The following GRM8 variants were observed in gnomAD, a reference collection of about 807,000 sequenced individuals.
The protein encoded by GRM8 is glutamate metabotropic receptor 8.
In GRM8, 47 loss-of-function variants were observed where a neutral mutation model predicts 87.2. The ratio of observed to expected loss-of-function variants is 0.54; its 90% CI spans 0.43 to 0.69. The LOEUF is 0.69. Among genes scored for constraint, GRM8 ranks in the 30% least tolerant of loss-of-function variants. GRM8 has a pLI of 0.00. For missense variants in GRM8, 1,019 were observed against 1,139.2 expected (o/e 0.89, Z 1.52); for synonymous variants, 396 against 404.5 (o/e 0.98, Z 0.25).
intron 2 of GRM8, 108 bp downstream of exon 2, chr7:127,242,587 G>T: frequency 9.7e-7 from 1 of 1,031,276 alleles, no homozygotes. Context: ...ACACCAAAAG[G>T]GTCTATGAGC....
chr7:126,723,670 G>T (rs1004310903), intron 7 of GRM8, among the ~76,000 whole-genome samples: 1 of 152,104 alleles, frequency 6.6e-6, no homozygotes, highest in Non-Finnish European at 1.5e-5. Flanking sequence ...CATAGGTGTG[G>T]GCAAATGAAA....
chr7:126,756,081 C>T (rs1816977071), intron 7 of GRM8, among the ~76,000 whole-genome samples: 1 of 151,724 alleles, frequency 6.6e-6, no homozygotes, highest in South Asian at 2.1e-4. Flanking sequence ...CTACAAAGAA[C>T]ACTTGACTTC....
intron 8 of GRM8, among the ~76,000 whole-genome samples, chr7:126,594,639 T>A (rs998632672): frequency 6.6e-6 from 1 of 152,090 alleles, no homozygotes; most frequent in Non-Finnish European, 1.5e-5. Flanking sequence ...AGGAGGAATA[T>A]GTTCAAGAGA....
chr7:127,006,761 G>A (rs375488743), intron 3 of GRM8, among the ~76,000 whole-genome samples: 4 of 151,862 alleles, frequency 2.6e-5, no homozygotes, highest in Admixed American at 2.0e-4. Context: ...GTCCTTGAAC[G>A]TCTTCTCTTC....
At chr7:126,997,644 T>C (rs1003633456) in intron 3 of GRM8, among the ~76,000 whole-genome samples, 2 of 151,372 alleles carry the variant, frequency 1.3e-5, no homozygotes, top group African/African-American at 4.8e-5. Flanking sequence ...CATTAGTGAC[T>C]ACTATGAGCA....
intron 2 of GRM8, among the ~76,000 whole-genome samples, chr7:127,130,104 G>A (rs1827599449): frequency 6.6e-6 from 1 of 152,132 alleles, no homozygotes; most frequent in Non-Finnish European, 1.5e-5. Flanking sequence ...TGTATGACAT[G>A]CCTTCCTTCC....
At chr7:127,056,865 T>C (rs948180926) in intron 3 of GRM8, among the ~76,000 whole-genome samples, 4 of 152,204 alleles carry the variant, frequency 2.6e-5, no homozygotes, top group African/African-American at 9.7e-5. Flanking sequence ...ACATGAAATT[T>C]TGGTACATTT....
chr7:127,106,150 C>T (rs1825786702), intron 3 of GRM8, among the ~76,000 whole-genome samples: 1 of 152,106 alleles, frequency 6.6e-6, no homozygotes, highest in African/African-American at 2.4e-5. Context: ...TAATGACTTG[C>T]TAATGTAAAC....
intron 2 of GRM8, chr7:127,112,228 C>G (rs17869792): frequency 0.018 from 2,675 of 152,372 alleles, 73 homozygotes; most frequent in African/African-American, 0.06. Context: ...CATATCACCA[C>G]AAACATTTTC....
At chr7:127,097,180 C>T (rs148655601) in intron 3 of GRM8, among the ~76,000 whole-genome samples, 35 of 152,226 alleles carry the variant, frequency 2.3e-4, no homozygotes, top group Non-Finnish European at 4.1e-4. Context: ...CAGAGTTAAG[C>T]GCAGGGACCC....
chr7:126,985,974 C>A (rs903306977), intron 3 of GRM8, among the ~76,000 whole-genome samples: 3 of 151,970 alleles, frequency 2.0e-5, no homozygotes, highest in African/African-American at 7.2e-5. Flanking sequence ...TATATAATTC[C>A]TTTTTCATGA....
At chr7:127,010,290 C>T (rs566065662) in intron 3 of GRM8, among the ~76,000 whole-genome samples, 3 of 152,078 alleles carry the variant, frequency 2.0e-5, no homozygotes, top group Non-Finnish European at 4.4e-5. Context: ...TTTATAGTTG[C>T]CTTCTGTTTG....
At chr7:126,461,473 A>G (rs959647417) in intron 9 of GRM8, among the ~76,000 whole-genome samples, 1 of 151,576 alleles carries the variant, frequency 6.6e-6, no homozygotes, top group Non-Finnish European at 1.5e-5. Flanking sequence ...CTTTCAAGTC[A>G]TGGTTGTCTT....
At chr7:126,602,569 G>A (rs2151079312) in intron 8 of GRM8, among the ~76,000 whole-genome samples, 1 of 142,678 alleles carries the variant, frequency 7.0e-6, no homozygotes, top group Admixed American at 7.1e-5. Context: ...CCATGAGCAT[G>A]GAATGTTCTT....
intron 3 of GRM8, among the ~76,000 whole-genome samples, chr7:126,925,526 C>T (rs1805003126): frequency 6.6e-6 from 1 of 152,030 alleles, no homozygotes; most frequent in Admixed American, 6.6e-5. Flanking sequence ...AGTACAAAGA[C>T]ATAAAGAAAA....
chr7:126,509,265 T>G (rs1419472), intron 9 of GRM8, among the ~76,000 whole-genome samples: 121,303 of 151,996 alleles, frequency 0.8, 48,550 homozygotes, highest in Middle Eastern at 0.88. Context: ...ATGGTTGGCT[T>G]CATAGCTAAT....
intron 8 of GRM8, among the ~76,000 whole-genome samples, chr7:126,582,742 C>G (rs557075662): frequency 2.6e-4 from 39 of 152,182 alleles, no homozygotes; most frequent in African/African-American, 8.9e-4. Flanking sequence ...TAGAATTATG[C>G]TAAATCTAGT....
rs184865097 is a variant in GRM8 at position 126,675,545 on chromosome 7, G to C, written c.1358-66047C>G. On this transcript the variant is annotated intron_variant, in intron 7 of 10. Transcript: ENST00000339582. Reference sequence around the variant, plus strand: ...GCACATCATAAAAATAATTCACCACGATCAAGTGGGTTTCATCCTAAGGAT... The same window carrying C: ...GCACATCATAAAAATAATTCACCACCATCAAGTGGGTTTCATCCTAAGGAT... Among the ~76,000 whole-genome samples, 80 of 152,236 alleles carry C rather than the reference G, an allele frequency of 5.3e-4. 1 individual carries two copies. The highest frequency in any genetic ancestry group is 3.7e-3 in the Admixed American group (56 of 15,296).
chr7:126,590,206 C>T (rs969142493), intron 8 of GRM8, among the ~76,000 whole-genome samples: 3 of 151,312 alleles, frequency 2.0e-5, no homozygotes, highest in Non-Finnish European at 4.4e-5. Flanking sequence ...TTCTGGAAAT[C>T]AAGGACACAT....
Sources: gnomAD v4.1 joint callset for allele counts (sites outside exome capture counted in the v4.1 genomes callset) on GRCh38, gnomAD v4.1.1 for gene constraint, MANE v1.5 for transcripts, NCBI Gene and HGNC (gene_info 2026-07-23, HGNC 2026-07-21) for gene names.